Variants in CCNY observed in about 807,000 individuals in gnomAD.
The protein encoded by CCNY is cyclin-Y.
A neutral mutation model predicts 42.8 loss-of-function variants in CCNY; 19 were observed. The ratio of observed to expected loss-of-function variants is 0.44; its 90% CI spans 0.31 to 0.65. The LOEUF (loss-of-function observed/expected upper bound fraction) is 0.65, where lower values mean the gene tolerates loss of function less well. CCNY is among the 30% of genes least tolerant of loss of function. The probability of loss-of-function intolerance (pLI) is 0.07; values close to 1 mark genes in which losing one functional copy is unlikely to be tolerated. For synonymous variants in CCNY, 165 were observed against 162.7 expected (o/e 1.01, Z -0.11); for missense variants, 370 against 437.3 (o/e 0.85, Z 1.37).
chr10:35,426,105 GCACGCGCACACACACACACACA>G (rs1186719066), intron 1 of CCNY, among the ~76,000 whole-genome samples: 2 of 57,970 alleles, frequency 3.5e-5, no homozygotes, highest in East Asian at 1.7e-3. Flanking sequence ...CACTGGTCCA[GCACGCGCACACACACACACACA>G]CACACACACA....
At chr10:35,511,388 A>C (rs2135402222) in intron 3 of CCNY, among the ~76,000 whole-genome samples, 2 of 152,278 alleles carry the variant, frequency 1.3e-5, no homozygotes, top group Middle Eastern at 3.4e-3. Flanking sequence ...GAACACACAG[A>C]GGGGTACCCA....
chr10:35,547,212 A>C (rs1268802439), intron 7 of CCNY, among the ~76,000 whole-genome samples: 1 of 152,166 alleles, frequency 6.6e-6, no homozygotes, highest in Non-Finnish European at 1.5e-5. Flanking sequence ...ACAGAGGACA[A>C]TTATGATCTA....
In CCNY at chr10:35,336,927, C is replaced by T; in HGVS notation, c.-127C>T. On this transcript the variant is annotated 5_prime_UTR_variant, in exon 1 of 10. Transcript: ENST00000374704. ...CCGGCGGCCGGCCGCCGTTCCGCCCCCTCCCGTGGCGGCGAGCGGGCGGGC... is the reference window on the plus strand; with the variant it reads ...CCGGCGGCCGGCCGCCGTTCCGCCCTCTCCCGTGGCGGCGAGCGGGCGGGC... 1.7e-6 allele frequency: 1 copy of T among 577,458 alleles called. No individual in the cohort carries two copies. The highest frequency in any genetic ancestry group is 2.3e-6 in the Non-Finnish European group (1 of 442,866). The allele number at this position is 577,458 out of a possible 1,614,324, so 35.8% of individuals were successfully genotyped here.
In CCNY at chr10:35,426,105, GCACGCGCACA is replaced by G. The variant is rs1319114697; in HGVS notation, c.155-57295_155-57286del. ...CTCCTCTTCTCCCTTCACTGGTCCA[GCACGCGCACA>G]CACACACACACACACACACACACAC... On this transcript the variant is annotated intron_variant, in intron 1 of 9. Coordinates refer to ENST00000374704, the MANE Select transcript of CCNY (RefSeq NM_145012.6). Among the ~76,000 whole-genome samples, 120 of 58,024 alleles carry G rather than the reference GCACGCGCACA, an allele frequency of 2.1e-3. 1 individual carries two copies. The highest frequency in any genetic ancestry group is 6.1e-3 in the East Asian group (7 of 1,148). 38.1% of individuals were successfully genotyped at this position (58,024 alleles called of 152,430 possible). A position where few individuals can be genotyped will look rare whatever the true frequency, so the allele number is the denominator to read the frequency against.
At chr10:35,340,094 C>G (rs925850667) in intron 1 of CCNY, among the ~76,000 whole-genome samples, 3 of 152,162 alleles carry the variant, frequency 2.0e-5, no homozygotes, top group Admixed American at 2.0e-4. Flanking sequence ...ACTTAGAACT[C>G]ACAGTAACCC....
chr10:35,548,448 A>G (rs1841166148), intron 7 of CCNY, among the ~76,000 whole-genome samples: 1 of 151,660 alleles, frequency 6.6e-6, no homozygotes, highest in Non-Finnish European at 1.5e-5. Context: ...ACAGGCGCGT[A>G]CACCATGCCC....
At chr10:35,267,354 C>G (rs2095726587) in intron 3 of CCNY, among the ~76,000 whole-genome samples, 1 of 151,760 alleles carries the variant, frequency 6.6e-6, no homozygotes, top group Non-Finnish European at 1.5e-5. Context: ...CATCCTCGGG[C>G]TTTTGTGGGA....
intron 2 of CCNY, among the ~76,000 whole-genome samples, chr10:35,248,366 G>A (rs780323353): frequency 7.2e-5 from 11 of 152,164 alleles, no homozygotes; most frequent in African/African-American, 1.2e-4. Context: ...ACTAGGGGCC[G>A]GGCGCGGTGG....
chr10:35,281,356 T>C (rs1482920011), intron 3 of CCNY, among the ~76,000 whole-genome samples: 1 of 152,110 alleles, frequency 6.6e-6, no homozygotes, highest in Non-Finnish European at 1.5e-5. Flanking sequence ...TGGAGTGCAG[T>C]GGTGCGATCT....
intron 4 of CCNY, among the ~76,000 whole-genome samples, chr10:35,523,392 G>A (rs560524772): frequency 9.2e-5 from 14 of 152,322 alleles, no homozygotes; most frequent in Non-Finnish European, 1.8e-4. Flanking sequence ...GAGACTGTGT[G>A]TAGAGTGAAG....
At chr10:35,409,045 A>G (rs1003299509) in intron 1 of CCNY, among the ~76,000 whole-genome samples, 6 of 151,938 alleles carry the variant, frequency 3.9e-5, no homozygotes, top group Non-Finnish European at 8.8e-5. Flanking sequence ...GATTTACCCT[A>G]TGTAATAGCT....
At chr10:35,511,304 G>A (rs554414554) in intron 3 of CCNY, among the ~76,000 whole-genome samples, 2 of 152,270 alleles carry the variant, frequency 1.3e-5, no homozygotes, top group African/African-American at 2.4e-5. Context: ...TCTAGACCCC[G>A]GAGACATATA....
In CCNY at chr10:35,553,101, T is replaced by C; in HGVS notation, c.662T>C (p.Leu221Pro). Residue 221 changes from leucine to proline, a missense_variant, in exon 8 of 10, where the codon CTG (leucine) becomes CCG (proline). By Grantham distance (98) the Leu-to-Pro change is moderately conservative. Transcript: ENST00000374704. ...NWKRIVLGAILLASKVWDDQA... is the reference protein window; with the variant it reads ...NWKRIVLGAIPLASKVWDDQA... ...AAGCGGATTGTTTTAGGGGCGATCC[T>C]GCTGGCCTCCAAGGTGTGGGATGAC... is the stretch of plus-strand genomic sequence containing the variant. 1 of 1,614,230 alleles carries C rather than the reference T, an allele frequency of 6.2e-7. No homozygotes were observed. The highest frequency in any genetic ancestry group is 8.5e-7 in the Non-Finnish European group (1 of 1,180,032).
chr10:35,334,437 C>T (rs1835985609), upstream of CCNY, among the ~76,000 whole-genome samples: 1 of 152,168 alleles, frequency 6.6e-6, no homozygotes, highest in African/African-American at 2.4e-5. Context: ...ACGGGTTCAG[C>T]AATCTGACCC....
At chr10:35,343,187 A>G (rs1041792724) in intron 1 of CCNY, among the ~76,000 whole-genome samples, 2 of 151,630 alleles carry the variant, frequency 1.3e-5, no homozygotes, top group Non-Finnish European at 1.5e-5. Context: ...TATTTTTAGT[A>G]GAGATGGGGT....
chr10:35,247,875 C>CAAAAAAAAAAA (rs56166117), intron 1 of CCNY, among the ~76,000 whole-genome samples: 1 of 58,154 alleles, frequency 1.7e-5, no homozygotes, highest in Non-Finnish European at 3.8e-5. Flanking sequence ...GACTCCATCT[C>CAAAAAAAAAAA]AAAAAAAAAA....
intron 3 of CCNY, among the ~76,000 whole-genome samples, chr10:35,301,385 T>C (rs1564362359): frequency 6.6e-6 from 1 of 152,196 alleles, no homozygotes; most frequent in Non-Finnish European, 1.5e-5. Flanking sequence ...GTGAAGACTT[T>C]CCTGGAAATG....
chr10:35,418,896 C>T (rs1838086072), intron 1 of CCNY, among the ~76,000 whole-genome samples: 1 of 152,026 alleles, frequency 6.6e-6, no homozygotes, highest in Non-Finnish European at 1.5e-5. Flanking sequence ...TCTCTGCTCA[C>T]TGCAACCTCC....
At chr10:35,444,658 AGCTCCATCATAAGCTCAAG>A (rs776663229) in intron 1 of CCNY, among the ~76,000 whole-genome samples, 107 of 152,368 alleles carry the variant, frequency 7.0e-4, no homozygotes, top group Non-Finnish European at 1.3e-3. Context: ...GCAGTTTTTC[AGCTCCATCATAAGCTCAAG>A]GGACTACTGT....
Sources: allele counts gnomAD v4.1 joint callset (sites outside exome capture counted in the v4.1 genomes callset), GRCh38; gene constraint gnomAD v4.1.1; transcripts MANE v1.5; gene names NCBI Gene and HGNC (gene_info 2026-07-23, HGNC 2026-07-21).